PRUNE1: variants seen among roughly 807,000 people sequenced by gnomAD.
The protein encoded by PRUNE1 is exopolyphosphatase PRUNE1.
PRUNE1 carries 25 observed loss-of-function variants against 42.5 expected under a neutral mutation model. The ratio of observed to expected loss-of-function variants is 0.59; its 90% CI spans 0.43 to 0.82. PRUNE1 has a LOEUF of 0.82. Among genes scored for constraint, PRUNE1 ranks in the 40% least tolerant of loss-of-function variants. The pLI is 0.00. For synonymous variants in PRUNE1, 203 were observed against 217.1 expected (o/e 0.93, Z 0.57); for missense variants, 443 against 539.3 (o/e 0.82, Z 1.77).
At chr1:151,008,827 C>G (rs1362166403) in intron 1 of PRUNE1, 156 bp downstream of exon 1, 1 of 945,284 alleles carries the variant, frequency 1.1e-6, no homozygotes, top group South Asian at 1.3e-5. Flanking sequence ...GCATGAGGAG[C>G]GAGGAGCGAG....
At chr1:151,011,760 C>A (rs1673782195) in intron 1 of PRUNE1, among the ~76,000 whole-genome samples, 1 of 150,524 alleles carries the variant, frequency 6.6e-6, no homozygotes, top group South Asian at 2.1e-4. Context: ...GGTGTTTATT[C>A]ATTTATTTAT....
chr1:151,033,670 G>A (rs1054729089), intron 7 of PRUNE1, 136 bp from the exon 8 acceptor site: 19 of 785,142 alleles, frequency 2.4e-5, no homozygotes, highest in Middle Eastern at 2.6e-4. Flanking sequence ...GATTGCAAGC[G>A]TGAGCCACCG....
intron 1 of PRUNE1, among the ~76,000 whole-genome samples, chr1:151,013,330 C>G (rs1384916484): frequency 6.6e-6 from 1 of 152,120 alleles, no homozygotes; most frequent in East Asian, 1.9e-4. Flanking sequence ...ACTCCAGTTC[C>G]AAGATTTGCT....
chr1:151,016,181 G>A (rs1379369270), intron 1 of PRUNE1, among the ~76,000 whole-genome samples: 1 of 151,760 alleles, frequency 6.6e-6, no homozygotes, highest in Admixed American at 6.6e-5. Context: ...AGGTTGCCGT[G>A]AGCCAAGATA....
intron 2 of PRUNE1, 185 bp from the exon 3 acceptor site, chr1:151,018,282 T>A: frequency 2.6e-6 from 2 of 756,238 alleles, no homozygotes; most frequent in Admixed American, 3.5e-5. Flanking sequence ...CCTTGTTGAC[T>A]TTCATGTTAT....
At chr1:151,024,000 G>A (rs1285737922) in intron 3 of PRUNE1, among the ~76,000 whole-genome samples, 3 of 151,938 alleles carry the variant, frequency 2.0e-5, no homozygotes, top group Non-Finnish European at 1.5e-5. Flanking sequence ...GACCAACATG[G>A]TGAAACCCCA....
chr1:151,025,931 G>A (rs989140414), intron 5 of PRUNE1, among the ~76,000 whole-genome samples: 2 of 151,730 alleles, frequency 1.3e-5, no homozygotes, highest in African/African-American at 2.4e-5. Context: ...AGTAAAGATC[G>A]GGTTTCACCA....
rs1389348682 is a variant in PRUNE1, at chr1:151,008,514, C to T, written c.-119C>T. 2.9e-6 allele frequency: 4 copies of T among 1,373,984 alleles called. No homozygotes were observed. Among genetic ancestry groups the T allele is most frequent in the African/African-American group, 1.4e-5 (1 of 70,116 alleles). 85.1% of individuals were successfully genotyped at this position (1,373,984 alleles called of 1,614,324 possible). ...GCCGTGTGGCGGGTTCGAGTCCCGC[C>T]TCCTGACTCTGGCCTCTAGTCCCTG... is the stretch of plus-strand genomic sequence containing the variant. On this transcript the variant is annotated 5_prime_UTR_variant, in exon 1 of 8. Transcript: ENST00000271620.
Position 151,018,600 on chromosome 1 carries a change from T to C in PRUNE1, c.266T>C (p.Ile89Thr). Reference protein sequence around the residue: ...PESILIFRDEIDLHALYQAGQ... With the variant: ...PESILIFRDETDLHALYQAGQ... ...AGTATCTTGATTTTTCGGGATGAGA[T>C]TGACCTCCATGCATTATACCAGGCT... is the stretch of plus-strand genomic sequence containing the variant. The change falls in exon 3 of 8, where the codon ATT (isoleucine) becomes ACT (threonine). Residue 89 changes from isoleucine to threonine, a missense_variant. By Grantham distance (89) the Ile-to-Thr change is moderately conservative. Coordinates refer to ENST00000271620, the MANE Select transcript of PRUNE1 (RefSeq NM_021222.3). 1 of 1,614,182 alleles carries C rather than the reference T, an allele frequency of 6.2e-7. No individual in the cohort carries two copies. The highest frequency in any genetic ancestry group is 8.5e-7 in the Non-Finnish European group (1 of 1,180,026).
At chr1:151,029,070 C>T in intron 7 of PRUNE1, 126 bp downstream of exon 7, 1 of 958,372 alleles carries the variant, frequency 1.0e-6, no homozygotes, top group Non-Finnish European at 1.5e-6. Flanking sequence ...ACATGAGGTC[C>T]CTTGACCTGT....
At position 151,034,859 on chromosome 1, in the gene PRUNE1, G is replaced by A. The variant is rs1200527902; in HGVS notation, c.*625G>A. 6.4e-6 allele frequency: 1 copy of A among 155,666 alleles called. No individual in the cohort carries two copies. The highest frequency in any genetic ancestry group is 1.4e-5 in the Non-Finnish European group (1 of 70,118). 9.6% of individuals were successfully genotyped at this position (155,666 alleles called of 1,614,324 possible). On this transcript the variant is annotated 3_prime_UTR_variant, in exon 8 of 8. Coordinates refer to ENST00000271620, the MANE Select transcript of PRUNE1 (RefSeq NM_021222.3). ...AGATCTAGTTTGGGAACAGATTAGA[G>A]GCCATTGTCTTCTGTCCTGATCAGG...
Position 151,034,666 on chromosome 1 carries a change from A to C in PRUNE1, c.*432A>C, listed in dbSNP as rs587764565. The C allele has an allele frequency of 1.8e-5, 3 of 162,172 alleles. No individual in the cohort carries two copies. Among genetic ancestry groups the C allele is most frequent in the African/African-American group, 7.2e-5 (3 of 41,822 alleles). 10.0% of individuals were successfully genotyped at this position (162,172 alleles called of 1,614,324 possible). A position where few individuals can be genotyped will look rare whatever the true frequency, so the allele number is the denominator to read the frequency against. On this transcript the variant is annotated 3_prime_UTR_variant, in exon 8 of 8. Transcript: ENST00000271620. ...TTGTTCATTCAAGTATTTATTGAAT[A>C]CCTGCCTCAAGCTAGAGAGAAAAGA... is the stretch of plus-strand genomic sequence containing the variant.
chr1:151,025,394 C>A, intron 4 of PRUNE1, 121 bp from the exon 5 acceptor site: 1 of 1,017,566 alleles, frequency 9.8e-7, no homozygotes, highest in Non-Finnish European at 1.4e-6. Flanking sequence ...ATTTTGCTTT[C>A]AGAGATTTTG....
At chr1:151,008,935 T>C (rs1187689026) in intron 1 of PRUNE1, 1 of 635,170 alleles carries the variant, frequency 1.6e-6, no homozygotes, top group African/African-American at 1.8e-5. Context: ...AAGTCTTGGG[T>C]CTGAATCCTG....
At chr1:151,025,980 A>G (rs899671704) in intron 5 of PRUNE1, among the ~76,000 whole-genome samples, 2 of 151,726 alleles carry the variant, frequency 1.3e-5, no homozygotes, top group African/African-American at 4.8e-5. Flanking sequence ...AGCTCAGGTG[A>G]TCTGCCCGCC....
Position 151,028,995 on chromosome 1 carries a change from A to G in PRUNE1, c.933+51A>G, listed in dbSNP as rs587643776. 12 of 1,539,946 alleles carry G rather than the reference A, an allele frequency of 7.8e-6. No individual in the cohort carries two copies. The Admixed American group carries it at 8.5e-5, about 11-fold the overall frequency. ...TAAGAGCCTTACAGAGTCTGCCTGT[A>G]TGTACCTCTGTGCTCTACAGCTGTC... On this transcript the variant is annotated intron_variant, in intron 7 of 7. Coordinates refer to ENST00000271620, the MANE Select transcript of PRUNE1 (RefSeq NM_021222.3).
At chr1:151,033,358 T>C (rs182492596) in intron 7 of PRUNE1, among the ~76,000 whole-genome samples, 8 of 151,654 alleles carry the variant, frequency 5.3e-5, no homozygotes, top group African/African-American at 1.9e-4. Context: ...GTGCTGGGAT[T>C]ACAGGCGTGA....
At chr1:151,026,912 G>A (rs1193179050) in intron 5 of PRUNE1, among the ~76,000 whole-genome samples, 1 of 147,888 alleles carries the variant, frequency 6.8e-6, no homozygotes, top group East Asian at 2.0e-4. Flanking sequence ...AGCCTCCTGA[G>A]TAGCTGGGAT....
intron 7 of PRUNE1, among the ~76,000 whole-genome samples, chr1:151,033,182 T>G (rs1675342255): frequency 6.6e-6 from 1 of 151,010 alleles, no homozygotes; most frequent in Non-Finnish European, 1.5e-5. Context: ...GTCTCCTGGG[T>G]TCAAGTGATT....
Sources: gnomAD v4.1 joint callset for allele counts (sites outside exome capture counted in the v4.1 genomes callset) on GRCh38, gnomAD v4.1.1 for gene constraint, MANE v1.5 for transcripts, NCBI Gene and HGNC (gene_info 2026-07-23, HGNC 2026-07-21) for gene names.